Variants in ZNF287 observed in about 807,000 individuals in gnomAD.
ZNF287 encodes the protein zinc finger protein 287.
A neutral mutation model predicts 73.7 loss-of-function variants in ZNF287; 31 were observed. The ratio of observed to expected loss-of-function variants is 0.42; its 90% CI spans 0.32 to 0.57. The LOEUF (loss-of-function observed/expected upper bound fraction) is 0.57. ZNF287 is among the 20% of genes least tolerant of loss of function. ZNF287 has a pLI of 0.13. For missense variants in ZNF287, 641 were observed against 909.3 expected (o/e 0.70, Z 3.79); for synonymous variants, 301 against 307.2 (o/e 0.98, Z 0.21).
At chr17:16,565,768 C>T (rs1345670225) in intron 3 of ZNF287, among the ~76,000 whole-genome samples, 1 of 152,162 alleles carries the variant, frequency 6.6e-6, no homozygotes, top group Non-Finnish European at 1.5e-5. Context: ...GGGTGGATCA[C>T]CTGAGGTCAG....
Position 16,549,903 on chromosome 17 carries a change from G to A in ZNF287, c.*1953C>T, listed in dbSNP as rs1197342079. On this transcript the variant is annotated 3_prime_UTR_variant, in exon 6 of 6. Transcript: ENST00000395825. ...TGATATATGCACAAAAATATTTTTC[G>A]TTATACCAATTTTCACTCCATGCCA... is the stretch of plus-strand genomic sequence containing the variant. Among the ~76,000 whole-genome samples the A allele has an allele frequency of 4.6e-5, 7 of 152,052 alleles. No homozygotes were observed. The highest frequency in any genetic ancestry group is 3.9e-4 in the East Asian group (2 of 5,176).
At chr17:16,566,031 G>C (rs994800647) in intron 3 of ZNF287, among the ~76,000 whole-genome samples, 3 of 152,132 alleles carry the variant, frequency 2.0e-5, no homozygotes, top group Non-Finnish European at 4.4e-5. Flanking sequence ...ATGACAGAAT[G>C]CATGGCCTTT....
At chr17:16,566,347 G>A (rs184986552) in intron 3 of ZNF287, among the ~76,000 whole-genome samples, 178 bp downstream of exon 3, 1 of 152,292 alleles carries the variant, frequency 6.6e-6, no homozygotes, top group African/African-American at 2.4e-5. Flanking sequence ...GGCAATGGAA[G>A]CACCTTTTCT....
At chr17:16,553,708 CTG>C (rs960720400) in intron 5 of ZNF287, among the ~76,000 whole-genome samples, 3 of 152,280 alleles carry the variant, frequency 2.0e-5, no homozygotes, top group South Asian at 2.1e-4. Flanking sequence ...AGTGATAACA[CTG>C]TGTGGGATAA....
chr17:16,566,696 T>C, intron 2 of ZNF287, 74 bp from the exon 3 acceptor site: 1 of 974,384 alleles, frequency 1.0e-6, no homozygotes, highest in Non-Finnish European at 1.5e-6. Context: ...ACCAAATAGA[T>C]GCCTACACTT....
At chr17:16,568,116 T>C (rs1907865714) in intron 1 of ZNF287, 187 bp from the exon 2 acceptor site, 1 of 325,918 alleles carries the variant, frequency 3.1e-6, no homozygotes, top group Admixed American at 5.9e-5. Flanking sequence ...GGGATGGAGC[T>C]GCTATTAAAA....
At chr17:16,565,092 T>G (rs968367621) in intron 3 of ZNF287, among the ~76,000 whole-genome samples, 1 of 151,798 alleles carries the variant, frequency 6.6e-6, no homozygotes, top group Non-Finnish European at 1.5e-5. Flanking sequence ...CAGTGGCTCA[T>G]ACCTGTAATC....
At chr17:16,558,349 T>C (rs182599374) in intron 5 of ZNF287, 1 of 151,928 alleles carries the variant, frequency 6.6e-6, no homozygotes, top group East Asian at 1.9e-4. Flanking sequence ...CCAGTGGGAG[T>C]GCAGTGGTGT....
chr17:16,563,037 A>G lies in ZNF287; in HGVS notation c.715+109T>C. On this transcript the variant is annotated intron_variant, in intron 5 of 5. Transcript: ENST00000395825. ...AACAGCTCAGTGTTCTTCACAGGCTAGAATGCCTTTGCAAAAAGTGACCTG... is the reference window on the plus strand; with the variant it reads ...AACAGCTCAGTGTTCTTCACAGGCTGGAATGCCTTTGCAAAAAGTGACCTG... 2 of 786,102 alleles carry G rather than the reference A, an allele frequency of 2.5e-6. 1 individual carries two copies. The highest frequency in any genetic ancestry group is 3.4e-5 in the South Asian group (2 of 58,302). The allele number at this position is 786,102 out of a possible 1,614,324, so 48.7% of individuals were successfully genotyped here.
Position 16,552,443 on chromosome 17 carries a change from TAC to T in ZNF287, c.1697_1698del (p.Cys566Ter). 1 of 1,614,102 alleles carries T rather than the reference TAC, an allele frequency of 6.2e-7. No homozygotes were observed. Among genetic ancestry groups the T allele is most frequent in the Non-Finnish European group, 8.5e-7 (1 of 1,179,970 alleles). ...RIHSGEKCYKCNECGKAFAHS... is the reference protein window; with the variant it reads ...RIHSGEKCYKXNECGKAFAHS... ...TGAGCAAAGGCTTTTCCACATTCAT[TAC>T]ATTTATAACACTTCTCTCCAGAATG... On this transcript the variant is annotated frameshift_variant, in exon 6 of 6. Coordinates refer to ENST00000395825, the MANE Select transcript of ZNF287 (RefSeq NM_020653.4). LOFTEE classifies it high-confidence loss of function. The surrounding 1 kb of genome is among the most constrained non-coding windows in gnomAD (Gnocchi z 6.5).
Position 16,563,846 on chromosome 17 carries a change from TAACTC to T in ZNF287, c.502-26_502-22del, listed in dbSNP as rs765921729. ...GATTCCTAAAATATCAAATGTAACT[TAACTC>T]AGTTCAAGAACTAATGGCAAAGGGG... On this transcript the variant is annotated intron_variant, in intron 3 of 5. Transcript: ENST00000395825. 6.2e-5 allele frequency: 100 copies of T among 1,610,356 alleles called. No homozygotes were observed. In the East Asian group the frequency reaches 1.1e-3, roughly 18 times the overall value.
intron 3 of ZNF287, 132 bp downstream of exon 3, chr17:16,566,393 A>G (rs761157461): frequency 7.7e-5 from 50 of 653,506 alleles, no homozygotes; most frequent in Non-Finnish European, 1.1e-4. Context: ...AGACCAAGAT[A>G]ACATAGGAGA....
intron 5 of ZNF287, among the ~76,000 whole-genome samples, chr17:16,557,142 G>A (rs1428131094): frequency 2.0e-5 from 3 of 152,098 alleles, no homozygotes; most frequent in South Asian, 2.1e-4. Context: ...TACTGCACCC[G>A]ACCGATAAAC....
At chr17:16,562,212 C>CTTTTTATTG (rs774385139) in intron 5 of ZNF287, among the ~76,000 whole-genome samples, 3,971 of 151,978 alleles carry the variant, frequency 0.026, 86 homozygotes, top group Non-Finnish European at 0.033. Context: ...GAATAAGGAA[C>CTTTTTATTG]AAGTTCAATA....
Position 16,550,472 on chromosome 17 carries a change from A to C in ZNF287, c.*1384T>G, listed in dbSNP as rs1466175581. 6.6e-6 allele frequency among the ~76,000 whole-genome samples: 1 copy of C among 152,182 alleles called. No homozygotes were observed. The highest frequency in any genetic ancestry group is 1.5e-5 in the Non-Finnish European group (1 of 68,034). ...ACCTTTTCCCCGACCCACATTCTGC[A>C]GTGAATTCAGATCTATTTTCCATTT... On this transcript the variant is annotated 3_prime_UTR_variant, in exon 6 of 6. Coordinates refer to ENST00000395825, the MANE Select transcript of ZNF287 (RefSeq NM_020653.4).
In ZNF287 at chr17:16,548,265, A is replaced by G. The variant is rs1271542786; in HGVS notation, c.*3591T>C. Among the ~76,000 whole-genome samples, 1 of 152,196 alleles carries G rather than the reference A, an allele frequency of 6.6e-6. No homozygotes were observed. The highest frequency in any genetic ancestry group is 2.4e-5 in the African/African-American group (1 of 41,452). On this transcript the variant is annotated 3_prime_UTR_variant, in exon 6 of 6. Transcript: ENST00000395825. ...TATATTGGGAAGATCTGGTGACCTCAAATGAGTGATCCATTGATAATGAGT... is the reference window on the plus strand; with the variant it reads ...TATATTGGGAAGATCTGGTGACCTCGAATGAGTGATCCATTGATAATGAGT...
chr17:16,555,179 AT>A (rs1906961952), intron 5 of ZNF287, among the ~76,000 whole-genome samples: 1 of 152,108 alleles, frequency 6.6e-6, no homozygotes, highest in African/African-American at 2.4e-5. Flanking sequence ...GATGATATAT[AT>A]GTATATATAT....
At chr17:16,564,124 CAG>C (rs1231501808) in intron 3 of ZNF287, among the ~76,000 whole-genome samples, 2 of 152,180 alleles carry the variant, frequency 1.3e-5, no homozygotes, top group Non-Finnish European at 2.9e-5. Flanking sequence ...TTAAAAGAGA[CAG>C]AGTCTCGCTC....
intron 5 of ZNF287, among the ~76,000 whole-genome samples, chr17:16,561,596 T>G (rs1907455480): frequency 6.6e-6 from 1 of 152,198 alleles, no homozygotes; most frequent in African/African-American, 2.4e-5. Flanking sequence ...ACACATCACC[T>G]TTCAAATATC....
Sources: gnomAD v4.1 joint callset for allele counts (sites outside exome capture counted in the v4.1 genomes callset) on GRCh38, gnomAD v4.1.1 for gene constraint, Gnocchi (gnomAD v3.1) non-coding constraint, MANE v1.5 for transcripts, NCBI Gene and HGNC (gene_info 2026-07-23, HGNC 2026-07-21) for gene names.